The following KATNAL2 variants were observed in gnomAD, a reference collection of about 807,000 sequenced individuals.
The protein encoded by KATNAL2 is katanin catalytic subunit A1 like 2, also known as katanin p60 ATPase-containing subunit A-like 2.
In KATNAL2, 52 loss-of-function variants were observed where a neutral mutation model predicts 76.3. The ratio of observed to expected loss-of-function variants is 0.68; its 90% CI spans 0.55 to 0.86. The LOEUF (loss-of-function observed/expected upper bound fraction) is 0.86, where lower values mean the gene tolerates loss of function less well. Among genes scored for constraint, KATNAL2 ranks in the 40% least tolerant of loss-of-function variants. The probability of loss-of-function intolerance (pLI) is 0.00; values close to 1 mark genes in which losing one functional copy is unlikely to be tolerated. For missense variants in KATNAL2, 660 were observed against 668.9 expected (o/e 0.99, Z 0.15); for synonymous variants, 243 against 244.2 (o/e 1.00, Z 0.05).
chr18:47,033,593 C>T (rs778809541), intron 3 of KATNAL2: 2 of 1,614,080 alleles, frequency 1.2e-6, no homozygotes, highest in East Asian at 2.2e-5. Flanking sequence ...CCTTCCAGAA[C>T]AGGTTCAAGA....
intron 4 of KATNAL2, among the ~76,000 whole-genome samples, chr18:47,047,735 A>G (rs543904544): frequency 1.3e-5 from 2 of 150,756 alleles, no homozygotes; most frequent in Non-Finnish European, 3.0e-5. Context: ...TTTTTTTTGT[A>G]ACAGATGGGG....
intron 4 of KATNAL2, among the ~76,000 whole-genome samples, chr18:47,047,579 C>T (rs1053731218): frequency 6.6e-6 from 1 of 152,046 alleles, no homozygotes. Context: ...GTAAGGGCTG[C>T]TGCTACTGTG....
chr18:47,064,670 C>A (rs1415668717), intron 10 of KATNAL2, among the ~76,000 whole-genome samples: 2 of 152,126 alleles, frequency 1.3e-5, no homozygotes, highest in African/African-American at 4.8e-5. Flanking sequence ...TTAATAGTCT[C>A]ATTACCATTT....
intron 1 of KATNAL2, among the ~76,000 whole-genome samples, chr18:46,930,446 A>G (rs1016566277): frequency 1.3e-5 from 2 of 152,192 alleles, no homozygotes; most frequent in African/African-American, 4.8e-5. Context: ...TTTGACATAG[A>G]TTCATAACAT....
intron 14 of KATNAL2, chr18:47,076,289 T>C (rs1265282540): frequency 6.6e-6 from 1 of 152,232 alleles, no homozygotes; most frequent in Non-Finnish European, 1.5e-5. Flanking sequence ...AAGTAATATA[T>C]GGGATTCATG....
At chr18:47,095,286 T>C (rs1240460351) in intron 15 of KATNAL2, among the ~76,000 whole-genome samples, 1 of 152,228 alleles carries the variant, frequency 6.6e-6, no homozygotes, top group African/African-American at 2.4e-5. Flanking sequence ...AAGTGTAATA[T>C]GGTTTGGCTG....
chr18:47,032,135 G>A (rs1419128385), intron 3 of KATNAL2, among the ~76,000 whole-genome samples: 1 of 152,166 alleles, frequency 6.6e-6, no homozygotes, highest in Non-Finnish European at 1.5e-5. Flanking sequence ...AGGGGTTCTG[G>A]GTGAAAAGTT....
Position 47,099,265 on chromosome 18 carries a change from C to T in KATNAL2, c.1234C>T (p.Arg412Cys), listed in dbSNP as rs781368014. Residue 412 changes from arginine (R) to cysteine (C), a missense_variant, in exon 16 of 18, where the codon CGC becomes TGC. Transcript: ENST00000683218. ...LPWELDCAMLRRLEKRILVDL... is the reference protein window; with the variant it reads ...LPWELDCAMLCRLEKRILVDL... ...CAGGGAGCTGGACTGTGCCATGTTA[C>T]GCCGCCTGGAGAAGAGGATTCTGGT... The T allele has an allele frequency of 4.3e-6, 7 of 1,613,610 alleles. No individual in the cohort carries two copies. The highest frequency in any genetic ancestry group is 3.3e-5 in the South Asian group (3 of 90,944).
intron 3 of KATNAL2, among the ~76,000 whole-genome samples, chr18:46,954,946 C>T (rs1180238005): frequency 5.3e-5 from 8 of 152,034 alleles, no homozygotes; most frequent in Admixed American, 2.0e-4. Flanking sequence ...AGCCACTGTG[C>T]CTGGCCTCTG....
chr18:47,049,295 A>G (rs1444826038), intron 4 of KATNAL2, among the ~76,000 whole-genome samples: 1 of 152,222 alleles, frequency 6.6e-6, no homozygotes, highest in Non-Finnish European at 1.5e-5. Context: ...ACATGCTTAG[A>G]ATCATGCCTG....
chr18:46,925,033 G>A (rs2058685097), intron 1 of KATNAL2, among the ~76,000 whole-genome samples: 1 of 152,138 alleles, frequency 6.6e-6, no homozygotes, highest in African/African-American at 2.4e-5. Context: ...TGCAAACAGG[G>A]ACAATTTGAC....
At position 47,059,536 on chromosome 18, in the gene KATNAL2, C is replaced by G; in HGVS notation, c.451-20C>G. ...CCATGGCTGCTCACAGCCGATGTGTCCTTGTCTCTCTTTCTTCAGGAGGTA... is the reference window on the plus strand; with the variant it reads ...CCATGGCTGCTCACAGCCGATGTGTGCTTGTCTCTCTTTCTTCAGGAGGTA... On this transcript the variant is annotated intron_variant, in intron 7 of 17. Transcript: ENST00000683218. 6.4e-7 allele frequency: 1 copy of G among 1,552,960 alleles called. No homozygotes were observed. Among genetic ancestry groups the G allele is most frequent in the Non-Finnish European group, 8.9e-7 (1 of 1,124,554 alleles).
intron 10 of KATNAL2, among the ~76,000 whole-genome samples, chr18:47,066,009 A>AT (rs1290329009): frequency 6.6e-6 from 1 of 151,734 alleles, no homozygotes; most frequent in Non-Finnish European, 1.5e-5. Context: ...TTTAAAAAAA[A>AT]TTTTAAAAAA....
At position 47,034,396 on chromosome 18, in the gene KATNAL2, C is replaced by T. The variant is rs531913965; in HGVS notation, c.52-12061C>T. The stretch of plus-strand genomic sequence containing the variant: ...CTCCAAGGCAGGGACACGCTGGCCG[C>T]TGCCAGCTTGCCCCCCTTCCTTGTC... On this transcript the variant is annotated intron_variant, in intron 3 of 17. Transcript: ENST00000683218. The T allele has an allele frequency of 1.9e-6, 3 of 1,614,050 alleles. No homozygotes were observed. In the East Asian group the frequency reaches 6.7e-5, roughly 36 times the overall value.
At chr18:47,086,783 C>A (rs2062795042) in intron 15 of KATNAL2, among the ~76,000 whole-genome samples, 3 of 152,182 alleles carry the variant, frequency 2.0e-5, no homozygotes, top group African/African-American at 4.8e-5. Context: ...GTATACTGTG[C>A]AGGATTTGGT....
chr18:47,099,496 T>C (rs1341732027), intron 16 of KATNAL2, 91 bp downstream of exon 16: 6 of 1,248,580 alleles, frequency 4.8e-6, no homozygotes, highest in Middle Eastern at 2.2e-4. Flanking sequence ...TGATAGAAGC[T>C]TGAGACACTT....
At position 46,932,058 on chromosome 18, in the gene KATNAL2, G is replaced by A. The variant is rs959594718; in HGVS notation, c.-509-13999G>A. Among the ~76,000 whole-genome samples the A allele has an allele frequency of 3.3e-5, 5 of 151,866 alleles. No individual in the cohort carries two copies. The South Asian group carries it at 6.2e-4, about 19-fold the overall frequency. ...CCCAAGTAGCTGGGATTACAGGTGC[G>A]TGCTACCATGCCCGGCTAATTTTTT... On this transcript the variant is annotated intron_variant, in intron 1 of 17. Coordinates refer to ENST00000683218, the MANE Select transcript of KATNAL2 (RefSeq NM_001387690.1).
intron 3 of KATNAL2, among the ~76,000 whole-genome samples, chr18:47,031,712 T>C (rs979351239): frequency 2.6e-5 from 4 of 152,114 alleles, no homozygotes; most frequent in African/African-American, 7.2e-5. Context: ...CTCCTTACCT[T>C]ATGTGATCCA....
At chr18:47,034,665 C>G (rs756430696) in intron 3 of KATNAL2, 20 of 1,613,486 alleles carry the variant, frequency 1.2e-5, no homozygotes, top group East Asian at 4.5e-5. Context: ...CGCCCTGAGC[C>G]GCGTGAGTGT....
Sources: allele counts gnomAD v4.1 joint callset (sites outside exome capture counted in the v4.1 genomes callset), GRCh38; gene constraint gnomAD v4.1.1; transcripts MANE v1.5; gene names NCBI Gene and HGNC (gene_info 2026-07-23, HGNC 2026-07-21).